The following PAX3 variants were observed in gnomAD, a reference collection of about 807,000 sequenced individuals.
The protein encoded by PAX3 is paired box 3, also known as paired box protein Pax-3.
PAX3 carries 14 observed loss-of-function variants against 51.6 expected under a neutral mutation model. The ratio of observed to expected loss-of-function variants is 0.27; its 90% CI spans 0.18 to 0.42. PAX3 has a LOEUF of 0.42. Among genes scored for constraint, PAX3 ranks in the 10% least tolerant of loss-of-function variants. The pLI, the probability that PAX3 is intolerant of heterozygous loss-of-function variation, is 1.00. For synonymous variants in PAX3, 280 were observed against 253.4 expected, an observed-to-expected ratio of 1.11 and a Z score of -1.00; for missense variants, 540 against 642.8, an observed-to-expected ratio of 0.84 and a Z score of 1.73.
At chr2:222,295,320 C>A (rs904877053) in intron 3 of PAX3, among the ~76,000 whole-genome samples, 1 of 152,236 alleles carries the variant, frequency 6.6e-6, no homozygotes, top group Non-Finnish European at 1.5e-5. Context: ...CAGCGGTGGT[C>A]TCGCCACCCT....
chr2:222,295,698 C>T, intron 2 of PAX3, 41 bp from the exon 3 acceptor site: 1 of 1,613,022 alleles, frequency 6.2e-7, no homozygotes, highest in South Asian at 1.1e-5. Context: ...ACCCGGTACC[C>T]TGGGCCAGGT....
chr2:222,297,572 A>G (rs1695371611), intron 1 of PAX3, among the ~76,000 whole-genome samples: 1 of 152,240 alleles, frequency 6.6e-6, no homozygotes, highest in African/African-American at 2.4e-5. Flanking sequence ...AAGTTCACCC[A>G]GGAGCTGGCC....
intron 4 of PAX3, among the ~76,000 whole-genome samples, chr2:222,257,736 A>G (rs1693700119): frequency 6.6e-6 from 1 of 152,230 alleles, no homozygotes; most frequent in South Asian, 2.1e-4. Flanking sequence ...TTCGCATCTG[A>G]CAGCAGGGCA....
chr2:222,252,086 G>T (rs1029569886), intron 4 of PAX3, among the ~76,000 whole-genome samples: 1 of 152,138 alleles, frequency 6.6e-6, no homozygotes, highest in Non-Finnish European at 1.5e-5. Context: ...GTTGAAAAAA[G>T]AAGAGTAACA....
intron 4 of PAX3, among the ~76,000 whole-genome samples, chr2:222,257,610 T>C (rs1265226954): frequency 6.6e-6 from 1 of 152,242 alleles, no homozygotes; most frequent in Admixed American, 6.5e-5. Flanking sequence ...CCTGTCTCCA[T>C]TCATCTTTTC....
At chr2:222,265,654 G>GGAAGGAAGGAAGGAAGGAAA (rs1694024363) in intron 4 of PAX3, among the ~76,000 whole-genome samples, 1 of 138,660 alleles carries the variant, frequency 7.2e-6, no homozygotes, top group Non-Finnish European at 1.6e-5. Context: ...AAAGAAGGAA[G>GGAAGGAAGGAAGGAAGGAAA]GAAGGAAGGA....
chr2:222,258,302 T>C (rs1023832813), intron 4 of PAX3, among the ~76,000 whole-genome samples: 4 of 152,222 alleles, frequency 2.6e-5, no homozygotes, highest in Non-Finnish European at 5.9e-5. Context: ...ATAGCATTTC[T>C]GTGAGGATCA....
chr2:222,220,056 C>A (rs1289741809), intron 7 of PAX3, 84 bp downstream of exon 7: 5 of 1,181,068 alleles, frequency 4.2e-6, no homozygotes, highest in Non-Finnish European at 6.2e-6. Flanking sequence ...TTAAATTTGG[C>A]AATTCATTAC....
chr2:222,201,634 T>C, intron 8 of PAX3, 192 bp from the exon 9 acceptor site: 1 of 1,316,944 alleles, frequency 7.6e-7, no homozygotes, highest in Non-Finnish European at 1.0e-6. Context: ...ATCCTGGAGC[T>C]GACCTCATTA....
chr2:222,229,086 G>C (rs560891005), intron 5 of PAX3, among the ~76,000 whole-genome samples: 3 of 151,904 alleles, frequency 2.0e-5, no homozygotes, highest in South Asian at 4.2e-4. Flanking sequence ...GGTAATTGCA[G>C]AACTATAATA....
In PAX3 at chr2:222,298,566, C is replaced by G; in HGVS notation, c.50G>C (p.Gly17Ala). 6.2e-7 allele frequency: 1 copy of G among 1,608,104 alleles called. No individual in the cohort carries two copies. Among genetic ancestry groups the G allele is most frequent in the East Asian group, 2.2e-5 (1 of 44,586 alleles). Residue 17 changes from glycine (G) to alanine (A), a missense_variant, in exon 1 of 9, where the codon GGG becomes GCG. Gly to Ala is a moderately conservative substitution (Grantham distance 60, BLOSUM62 0). This residue lies in a region of PAX3 where 63 missense variants were observed against 49.9 expected (regional missense o/e 1.26). Coordinates refer to ENST00000392070, the MANE Select transcript of PAX3 (RefSeq NM_181458.4). ...AVPRMMRPGP[G>A]QNYPRSGFPL... ...GAACCCGCTACGCGGGTAGTTCTGC[C>G]CCGGGCCCGGCCGCATCATCCTGGG...
At chr2:222,256,832 C>T (rs45497503) in intron 4 of PAX3, among the ~76,000 whole-genome samples, 2,689 of 152,288 alleles carry the variant, frequency 0.018, 31 homozygotes, top group Middle Eastern at 0.092. Context: ...TTTTGAAATT[C>T]GACAGACTGG....
At chr2:222,284,862 A>G (rs193109570) in intron 4 of PAX3, among the ~76,000 whole-genome samples, 8 of 152,332 alleles carry the variant, frequency 5.3e-5, no homozygotes, top group Admixed American at 4.6e-4. Context: ...GCAGTTCCCT[A>G]TCTTAGAGAT....
intron 7 of PAX3, among the ~76,000 whole-genome samples, chr2:222,218,855 A>G (rs1020721616): frequency 1.3e-5 from 2 of 152,200 alleles, no homozygotes; most frequent in African/African-American, 4.8e-5. Context: ...AAACTTAATT[A>G]CATTTACTGT....
chr2:222,228,453 G>C (rs186258010), intron 5 of PAX3, among the ~76,000 whole-genome samples: 10 of 152,272 alleles, frequency 6.6e-5, no homozygotes, highest in African/African-American at 2.4e-4. Flanking sequence ...TGAGAATGCT[G>C]GGTGCTGTAC....
intron 7 of PAX3, among the ~76,000 whole-genome samples, chr2:222,219,471 A>G (rs961593520): frequency 1.3e-5 from 2 of 152,234 alleles, no homozygotes; most frequent in Non-Finnish European, 1.5e-5. Flanking sequence ...ACCCTCTCAC[A>G]TGCAATTATC....
chr2:222,294,312 G>A lies in PAX3; in HGVS notation c.452-11C>T, dbSNP rs758732525. The A allele has an allele frequency of 3.7e-6, 6 of 1,614,102 alleles. No individual in the cohort carries two copies. Among genetic ancestry groups the A allele is most frequent in the East Asian group, 2.2e-5 (1 of 44,878 alleles). Reference sequence around the variant, plus strand: ...GGCTGATGGAACTCACTGGGGGCGGGAGGAGGAAGGAAGCAAGGGAGCGCA... The same window carrying A: ...GGCTGATGGAACTCACTGGGGGCGGAAGGAGGAAGGAAGCAAGGGAGCGCA... On this transcript the variant is annotated splice_polypyrimidine_tract_variant and intron_variant, in intron 3 of 8. Coordinates refer to ENST00000392070, the MANE Select transcript of PAX3 (RefSeq NM_181458.4).
chr2:222,249,959 A>G (rs1430657), intron 4 of PAX3, among the ~76,000 whole-genome samples: 21,225 of 152,206 alleles, frequency 0.14, 1,724 homozygotes, highest in Non-Finnish European at 0.18. Flanking sequence ...TCCCAATTCC[A>G]CTTGAAATCA....
intron 4 of PAX3, among the ~76,000 whole-genome samples, chr2:222,237,130 A>C (rs996868659): frequency 4.6e-5 from 7 of 152,038 alleles, no homozygotes; most frequent in African/African-American, 1.7e-4. Context: ...TTCCCCCCTA[A>C]CTTCACAGCA....
Sources: allele counts gnomAD v4.1 joint callset (sites outside exome capture counted in the v4.1 genomes callset), GRCh38; gene constraint gnomAD v4.1.1; regional missense constraint gnomAD v4.1.1; transcripts MANE v1.5; gene names NCBI Gene and HGNC (gene_info 2026-07-23, HGNC 2026-07-21).